Variants in RNPS1 observed in about 807,000 individuals in gnomAD.
RNPS1 encodes RNA binding protein with serine rich domain 1, also known as RNA-binding protein with serine-rich domain 1.
For missense variants in RNPS1, 300 were observed against 427.6 expected, an observed-to-expected ratio of 0.70 and a Z score of 2.63; for synonymous variants, 147 against 150.0, an observed-to-expected ratio of 0.98 and a Z score of 0.15.
Position 2,267,950 on chromosome 16 carries a change from G to A in RNPS1, c.-118+105C>T, listed in dbSNP as rs1182849932. 3 of 1,530,226 alleles carry A rather than the reference G, an allele frequency of 2.0e-6. 1 individual carries two copies. Among genetic ancestry groups the A allele is most frequent in the East Asian group, 4.9e-5 (2 of 40,670 alleles). The allele number at this position is 1,530,226 out of a possible 1,614,324, so 94.8% of individuals were successfully genotyped here. On this transcript the variant is annotated intron_variant, in intron 1 of 7. Coordinates refer to ENST00000320225, the MANE Select transcript of RNPS1 (RefSeq NM_080594.4). ...GCCCGCACCGCGCTGCCAGGCCACC[G>A]CCGCACTGCGGGGCTGAGGAGTGGA...
At chr16:2,261,035 G>A (rs1384748706) in intron 6 of RNPS1, among the ~76,000 whole-genome samples, 1 of 151,992 alleles carries the variant, frequency 6.6e-6, no homozygotes, top group Non-Finnish European at 1.5e-5. Context: ...GAGGCTGAGG[G>A]AGGAGAATGG....
rs533644339 is a variant in RNPS1 at position 2,267,960 on chromosome 16, G to A, written c.-118+95C>T. The A allele has an allele frequency of 2.7e-5, 42 of 1,532,216 alleles. 1 individual carries two copies. The highest frequency in any genetic ancestry group is 3.5e-5 in the Non-Finnish European group (40 of 1,145,882). The allele number at this position is 1,532,216 out of a possible 1,614,324, so 94.9% of individuals were successfully genotyped here. A position where few individuals can be genotyped will look rare whatever the true frequency, so the allele number is the denominator to read the frequency against. ...CGCTGCCAGGCCACCGCCGCACTGC[G>A]GGGCTGAGGAGTGGACCGGCTTCAC... is the stretch of plus-strand genomic sequence containing the variant. On this transcript the variant is annotated intron_variant, in intron 1 of 7. Transcript: ENST00000320225.
rs746703900 is a variant in RNPS1 at position 2,255,542 on chromosome 16, G to A, written c.818+43C>T. The A allele has an allele frequency of 1.6e-5, 25 of 1,535,000 alleles. No individual in the cohort carries two copies. In the African/African-American group the frequency reaches 2.6e-4, roughly 16 times the overall value. On this transcript the variant is annotated intron_variant, in intron 7 of 7. Transcript: ENST00000320225. Reference sequence around the variant, plus strand: ...TCTGAAAGTCACTGCGGTCACATGAGGTTTGTGGCCTGATCAGTCCACTGA... The same window carrying A: ...TCTGAAAGTCACTGCGGTCACATGAAGTTTGTGGCCTGATCAGTCCACTGA...
Position 2,268,126 on chromosome 16 carries a change from C to A in RNPS1, c.-189G>T, listed in dbSNP as rs933685425. On this transcript the variant is annotated 5_prime_UTR_variant, in exon 1 of 8. Transcript: ENST00000320225. The stretch of plus-strand genomic sequence containing the variant: ...GCCGGCGCCGCTCTGACGTCAGAGT[C>A]AAGGAGCGGGAAGTCGCCGCCGCCC... 1.3e-6 allele frequency: 2 copies of A among 1,531,704 alleles called. No individual in the cohort carries two copies. The highest frequency in any genetic ancestry group is 2.7e-5 in the African/African-American group (2 of 72,872). 94.9% of individuals were successfully genotyped at this position (1,531,704 alleles called of 1,614,324 possible).
In RNPS1 at chr16:2,267,817, G is replaced by C; in HGVS notation, c.-118+238C>G. 3 of 1,468,722 alleles carry C rather than the reference G, an allele frequency of 2.0e-6. No homozygotes were observed. The South Asian group carries it at 4.0e-5, about 20-fold the overall frequency. The allele number at this position is 1,468,722 out of a possible 1,614,324, so 91.0% of individuals were successfully genotyped here. A position where few individuals can be genotyped will look rare whatever the true frequency, so the allele number is the denominator to read the frequency against. ...GGGCCTGGCTGGGCCACCGCCGAGC[G>C]GACGAAGCACAGGCGCCCTTCCGTC... On this transcript the variant is annotated intron_variant, in intron 1 of 7. Transcript: ENST00000320225.
At chr16:2,256,732 C>T (rs1449696797) in intron 6 of RNPS1, 1 of 152,360 alleles carries the variant, frequency 6.6e-6, no homozygotes, top group Non-Finnish European at 1.5e-5. Flanking sequence ...CTCGCAGGAC[C>T]ATGCAGGCAG....
intron 1 of RNPS1, chr16:2,267,258 GAAC>G (rs2093628652): frequency 2.0e-6 from 2 of 985,334 alleles, no homozygotes; most frequent in South Asian, 9.4e-5. Context: ...AGAGAGGAGA[GAAC>G]AATTAGTTAA....
intron 7 of RNPS1, among the ~76,000 whole-genome samples, chr16:2,254,725 G>T (rs560537711): frequency 2.1e-5 from 3 of 146,264 alleles, no homozygotes; most frequent in Admixed American, 1.4e-4. Context: ...GCTACCACAC[G>T]TGGCAAAGTT....
intron 6 of RNPS1, chr16:2,256,292 G>A (rs2093578022): frequency 6.4e-6 from 1 of 155,854 alleles, no homozygotes; most frequent in East Asian, 1.9e-4. Flanking sequence ...CAGACGCGGA[G>A]GCTCACGCCT....
intron 1 of RNPS1, chr16:2,267,230 T>C: frequency 1.0e-6 from 1 of 985,358 alleles, no homozygotes; most frequent in Non-Finnish European, 1.2e-6. Context: ...TCCGGAAAGG[T>C]GCGCGTCCAA....
chr16:2,264,885 C>G (rs930942247), intron 1 of RNPS1, 125 bp from the exon 2 acceptor site: 3 of 563,568 alleles, frequency 5.3e-6, no homozygotes, highest in East Asian at 8.2e-5. Context: ...AGTGTCCACA[C>G]AGTCAGGAAC....
chr16:2,255,479 C>G (rs533885482), intron 7 of RNPS1, 106 bp downstream of exon 7: 2 of 1,334,686 alleles, frequency 1.5e-6, no homozygotes, highest in East Asian at 2.3e-5. Flanking sequence ...TCTGCCAGCC[C>G]GCACAGCAGT....
intron 6 of RNPS1, among the ~76,000 whole-genome samples, chr16:2,260,718 A>G (rs1228368605): frequency 3.3e-5 from 5 of 152,244 alleles, no homozygotes; most frequent in African/African-American, 1.2e-4. Context: ...TATAGAAAAA[A>G]TTATGGTTCT....
At position 2,263,005 on chromosome 16, in the gene RNPS1, A is replaced by G. The variant is rs75533803; in HGVS notation, c.419+91T>C. ...TGTCTCAGAAATCCTATTAACACAG[A>G]AAGACTCCTTTTGGGTCCCTTTTAT... On this transcript the variant is annotated intron_variant, in intron 4 of 7. Coordinates refer to ENST00000320225, the MANE Select transcript of RNPS1 (RefSeq NM_080594.4). 1.4e-3 allele frequency: 1,948 copies of G among 1,430,302 alleles called. 28 individuals carry two copies. The African/African-American group carries it at 0.023, about 17-fold the overall frequency. The allele number at this position is 1,430,302 out of a possible 1,614,324, so 88.6% of individuals were successfully genotyped here.
rs112203848 is a variant in RNPS1 at position 2,260,508 on chromosome 16, GCCT to G, written c.676+1767_676+1769del. On this transcript the variant is annotated intron_variant, in intron 6 of 7. Coordinates refer to ENST00000320225, the MANE Select transcript of RNPS1 (RefSeq NM_080594.4). ...GTAACAGAACACAAATAAAAAACCGGCCTCCTATTTTGTGTACACAGTCCCTGT... is the reference window on the plus strand; with the variant it reads ...GTAACAGAACACAAATAAAAAACCGGCCTATTTTGTGTACACAGTCCCTGT... Among the ~76,000 whole-genome samples, 877 of 152,146 alleles carry G rather than the reference GCCT, an allele frequency of 5.8e-3. 5 individuals carry two copies. Among genetic ancestry groups the G allele is most frequent in the African/African-American group, 0.02 (828 of 41,492 alleles).
At chr16:2,256,284 G>C (rs542267894) in intron 6 of RNPS1, 1 of 156,898 alleles carries the variant, frequency 6.4e-6, no homozygotes, top group Admixed American at 6.2e-5. Flanking sequence ...CTGGAGGCCA[G>C]ACGCGGAGGC....
intron 2 of RNPS1, 62 bp from the exon 3 acceptor site, chr16:2,264,393 C>T: frequency 6.2e-7 from 1 of 1,608,802 alleles, no homozygotes; most frequent in African/African-American, 1.3e-5. Context: ...ACAGCACAAC[C>T]CAAAACGGGG....
chr16:2,263,071 T>C (rs761170477), intron 4 of RNPS1, 25 bp downstream of exon 4: 31 of 1,606,840 alleles, frequency 1.9e-5, no homozygotes, highest in African/African-American at 4.0e-5. Flanking sequence ...TTGTAAACTT[T>C]AGCTCCCAGG....
chr16:2,257,863 G>C (rs2093585584), intron 6 of RNPS1: 1 of 152,246 alleles, frequency 6.6e-6, no homozygotes, highest in African/African-American at 2.4e-5. Context: ...TCGGAAGACG[G>C]AAAGTTCTGG....
Sources: allele counts gnomAD v4.1 joint callset (sites outside exome capture counted in the v4.1 genomes callset), GRCh38; gene constraint gnomAD v4.1.1; transcripts MANE v1.5; gene names NCBI Gene and HGNC (gene_info 2026-07-23, HGNC 2026-07-21).